INTS6: variants seen among roughly 807,000 people sequenced by gnomAD.
INTS6 encodes the protein DEAD box protein.
Under a neutral mutation model 104.9 loss-of-function variants are expected in INTS6, and 16 were observed. The observed-to-expected ratio is 0.15, with a 90% CI of 0.10 to 0.23. The LOEUF is 0.23. Among genes scored for constraint, INTS6 ranks in the 10% least tolerant of loss-of-function variants. The probability of loss-of-function intolerance (pLI) is 1.00; values close to 1 mark genes in which losing one functional copy is unlikely to be tolerated. For missense variants in INTS6, 584 were observed against 1,062.8 expected (o/e 0.55, Z 6.26); for synonymous variants, 324 against 358.7 (o/e 0.90, Z 1.09).
At chr13:51,411,929 G>A (rs1593727834) in intron 4 of INTS6, among the ~76,000 whole-genome samples, 1 of 152,204 alleles carries the variant, frequency 6.6e-6, no homozygotes, top group Non-Finnish European at 1.5e-5. Flanking sequence ...CTGGTGAATG[G>A]ATAAGCAAAC....
At chr13:51,389,194 A>G in intron 6 of INTS6, 125 bp downstream of exon 6, 2 of 884,602 alleles carry the variant, frequency 2.3e-6, no homozygotes, top group East Asian at 2.7e-5. Context: ...CTCTTTACCA[A>G]CAGCCTTTCT....
intron 4 of INTS6, among the ~76,000 whole-genome samples, chr13:51,399,748 G>T (rs1956403094): frequency 6.6e-6 from 1 of 151,960 alleles, no homozygotes; most frequent in South Asian, 2.1e-4. Context: ...GTGTAGTGGG[G>T]TGGGGTTTTA....
At chr13:51,355,459 CA>C (rs1243285906) in intron 3 of INTS6, among the ~76,000 whole-genome samples, 1 of 152,156 alleles carries the variant, frequency 6.6e-6, no homozygotes, top group African/African-American at 2.4e-5. Context: ...ATTGCTGCAG[CA>C]ATAGATTCTT....
intron 3 of INTS6, among the ~76,000 whole-genome samples, chr13:51,433,067 A>G (rs1957125421): frequency 6.6e-6 from 1 of 152,196 alleles, no homozygotes; most frequent in African/African-American, 2.4e-5. Flanking sequence ...TTCAAAAAAA[A>G]ATCAGCAAAG....
chr13:51,450,893 A>G, intron 3 of INTS6, 132 bp downstream of exon 3: 4 of 1,314,276 alleles, frequency 3.0e-6, no homozygotes, highest in Non-Finnish European at 3.9e-6. Flanking sequence ...TTTGCCTTTG[A>G]ACAATGTGCA....
At chr13:51,349,270 T>C (rs1333023989), downstream of INTS6, among the ~76,000 whole-genome samples, 1 of 151,954 alleles carries the variant, frequency 6.6e-6, no homozygotes, top group Non-Finnish European at 1.5e-5. Flanking sequence ...TAAAAGTAAA[T>C]CTATGCACTA....
At position 51,369,017 on chromosome 13, in the gene INTS6, T is replaced by A; in HGVS notation, c.2398A>T (p.Met800Leu). ...ASSLNKGKKLMHCRSHEEVNT... is the reference protein window; with the variant it reads ...ASSLNKGKKLLHCRSHEEVNT... ...ACCTCTTCATGGCTTCTGCAATGCA[T>A]CAATTTCTTTCCTTTGTTGAGTGAA... is the stretch of plus-strand genomic sequence containing the variant. Residue 800 changes from methionine (M) to leucine (L), a missense_variant, in exon 16 of 18, where the codon ATG becomes TTG. By Grantham distance (15) the Met-to-Leu change is conservative. Coordinates refer to ENST00000311234, the MANE Select transcript of INTS6 (RefSeq NM_012141.3). The A allele has an allele frequency of 6.2e-7, 1 of 1,613,816 alleles. No individual in the cohort carries two copies. Among genetic ancestry groups the A allele is most frequent in the Non-Finnish European group, 8.5e-7 (1 of 1,179,806 alleles).
At chr13:51,376,235 A>G in intron 12 of INTS6, 61 bp from the exon 13 acceptor site, 1 of 1,361,002 alleles carries the variant, frequency 7.3e-7, no homozygotes, top group Non-Finnish European at 1.0e-6. Flanking sequence ...AGAGACTAAA[A>G]TCTCTAGCCT....
chr13:51,379,347 T>C, intron 11 of INTS6, 115 bp downstream of exon 11: 5 of 471,274 alleles, frequency 1.1e-5, no homozygotes, highest in Non-Finnish European at 1.9e-5. Context: ...AAATGTAATA[T>C]ATTAATATAA....
the INTS6 span, among the ~76,000 whole-genome samples, chr13:51,343,699 A>AT: frequency 3.9e-5 from 6 of 152,320 alleles, no homozygotes; most frequent in South Asian, 8.3e-4. Context: ...AATTGAAAGC[A>AT]TAGTTCTACA....
chr13:51,408,775 T>A (rs988731566), intron 4 of INTS6, among the ~76,000 whole-genome samples: 3 of 152,246 alleles, frequency 2.0e-5, no homozygotes, highest in Non-Finnish European at 4.4e-5. Flanking sequence ...CATCATTTAC[T>A]GAATGCTTAT....
chr13:51,443,808 T>C (rs960101468), intron 3 of INTS6: 2 of 152,130 alleles, frequency 1.3e-5, no homozygotes, highest in African/African-American at 4.8e-5. Flanking sequence ...TTTTATATAT[T>C]TGAGAAACAT....
Position 51,369,179 on chromosome 13 carries a change from C to A in INTS6, c.2236G>T (p.Glu746Ter). Reference protein sequence around the residue: ...FSASSPASLLERPTNHMEALG... With the variant: ...FSASSPASLL ...GCCTCCATATGATTGGTTGGCCGTT[C>A]CAGTAAACTGGCTGGAGAAGATGCT... Residue 746 changes from glutamate to a stop codon, truncating the protein, a stop_gained, in exon 16 of 18, where the codon GAA becomes TAA. Coordinates refer to ENST00000311234, the MANE Select transcript of INTS6 (RefSeq NM_012141.3). LOFTEE classifies it high-confidence loss of function. 1 of 1,613,844 alleles carries A rather than the reference C, an allele frequency of 6.2e-7. No homozygotes were observed. The highest frequency in any genetic ancestry group is 8.5e-7 in the Non-Finnish European group (1 of 1,179,838).
At chr13:51,415,253 C>T (rs774918733) in intron 4 of INTS6, among the ~76,000 whole-genome samples, 1 of 152,016 alleles carries the variant, frequency 6.6e-6, no homozygotes, top group Non-Finnish European at 1.5e-5. Context: ...GTACTATGAG[C>T]TCCAGGGTCC....
At chr13:51,344,395 TG>T in the INTS6 span, 1 of 1,612,406 alleles carries the variant, frequency 6.2e-7, no homozygotes. Context: ...CGTCTCCTGG[TG>T]GGCTAACAGC....
chr13:51,428,348 G>A (rs575366623), intron 4 of INTS6, among the ~76,000 whole-genome samples: 20 of 142,786 alleles, frequency 1.4e-4, no homozygotes, highest in Admixed American at 8.6e-4. Context: ...TTTTTGAGAC[G>A]GAGTCTTGCT....
Position 51,452,929 on chromosome 13 carries a change from G to T in INTS6, c.-404C>A. 9.3e-7 allele frequency: 1 copy of T among 1,074,330 alleles called. No individual in the cohort carries two copies. Among genetic ancestry groups the T allele is most frequent in the South Asian group, 2.4e-5 (1 of 41,528 alleles). 66.5% of individuals were successfully genotyped at this position (1,074,330 alleles called of 1,614,324 possible). On this transcript the variant is annotated 5_prime_UTR_variant, in exon 1 of 18. Coordinates refer to ENST00000311234, the MANE Select transcript of INTS6 (RefSeq NM_012141.3). This position sits in a 1 kb window ranked among gnomAD's most constrained non-coding sequence, Gnocchi z 4.2. ...GGGACCTGGGAGCTGGCGAAGAGGG[G>T]AGTGGGCTGAGGGAAGATTGGCCCT...
intron 4 of INTS6, among the ~76,000 whole-genome samples, chr13:51,423,327 G>T (rs191915806): frequency 3.3e-4 from 50 of 150,714 alleles, no homozygotes; most frequent in East Asian, 1.9e-3. Flanking sequence ...TAAGGTAGGG[G>T]GTGTGTGTGT....
rs150110379 is a variant in INTS6, at chr13:51,371,419, C to T, written c.2105-2109G>A. ...ACTTTCTTCCTCCTATTAACCATATCCCTTCTAAGTAGCCAATTCTGTATC... is the reference window on the plus strand; with the variant it reads ...ACTTTCTTCCTCCTATTAACCATATTCCTTCTAAGTAGCCAATTCTGTATC... On this transcript the variant is annotated intron_variant, in intron 15 of 17. Coordinates refer to ENST00000311234, the MANE Select transcript of INTS6 (RefSeq NM_012141.3). 7.1e-3 allele frequency among the ~76,000 whole-genome samples: 1,083 copies of T among 152,230 alleles called. 6 individuals are homozygous for T. Among genetic ancestry groups the T allele is most frequent in the Middle Eastern group, 0.014 (4 of 294 alleles).
Sources: allele counts gnomAD v4.1 joint callset (sites outside exome capture counted in the v4.1 genomes callset), GRCh38; gene constraint gnomAD v4.1.1; non-coding constraint Gnocchi (gnomAD v3.1); transcripts MANE v1.5; gene names NCBI Gene and HGNC (gene_info 2026-07-23, HGNC 2026-07-21).